The following HEATR5B variants were observed in gnomAD, a reference collection of about 807,000 sequenced individuals.
HEATR5B encodes HEAT repeat containing 5B.
In HEATR5B, 156 loss-of-function variants were observed where a neutral mutation model predicts 224.1. The ratio of observed to expected loss-of-function variants is 0.70; its 90% confidence interval spans 0.61 to 0.80. The LOEUF is 0.80. Ranked by LOEUF, HEATR5B falls within the 30% of genes least tolerant of loss-of-function variation. The probability of loss-of-function intolerance (pLI) is 0.00; values close to 1 mark genes in which losing one functional copy is unlikely to be tolerated. For synonymous variants in HEATR5B, 1,027 were observed against 893.0 expected, an observed-to-expected ratio of 1.15 and a Z score of -2.68; for missense variants, 2,323 against 2,535.5, an observed-to-expected ratio of 0.92 and a Z score of 1.80.
Position 37,083,310 on chromosome 2 carries a change from T to C in HEATR5B, c.105A>G (p.Lys35=). The change falls in exon 2 of 36, where the codon AAA becomes AAG. Residue 35 remains lysine (K), a synonymous_variant. Transcript: ENST00000233099. The stretch of plus-strand genomic sequence containing the variant: ...ATACCTTGTTGGCAGCAACCAAGAC[T>C]TTATCAAGAAATCGCAACCATTCAA... The part of the protein sequence containing the change: ...FIFEWLRFLD[K]VLVAANKTDV... 6.2e-7 allele frequency: 1 copy of C among 1,614,116 alleles called. No homozygotes were observed.
intron 33 of HEATR5B, among the ~76,000 whole-genome samples, chr2:36,994,618 C>T (rs1037617287): frequency 2.6e-5 from 4 of 152,316 alleles, no homozygotes; most frequent in Non-Finnish European, 4.4e-5. Context: ...ATTCTATTAT[C>T]AGACCTTTAA....
chr2:36,988,894 G>C (rs1666131051), intron 34 of HEATR5B, 35 bp from the exon 35 acceptor site: 7 of 1,459,294 alleles, frequency 4.8e-6, no homozygotes, highest in Non-Finnish European at 6.7e-6. Flanking sequence ...ATTAACATGT[G>C]TATAGTTCTT....
intron 35 of HEATR5B, among the ~76,000 whole-genome samples, chr2:36,983,585 G>A (rs772681970): frequency 6.6e-6 from 1 of 151,732 alleles, no homozygotes; most frequent in Non-Finnish European, 1.5e-5. Context: ...AATATTAGCT[G>A]GGTGTGGTGG....
intron 17 of HEATR5B, among the ~76,000 whole-genome samples, chr2:37,050,257 T>C (rs1312567682): frequency 1.3e-5 from 2 of 152,196 alleles, no homozygotes; most frequent in Non-Finnish European, 2.9e-5. Flanking sequence ...TCATAAGTTA[T>C]TTTCTTCAAC....
intron 27 of HEATR5B, among the ~76,000 whole-genome samples, chr2:37,012,731 G>A (rs1309439609): frequency 2.0e-5 from 3 of 152,148 alleles, no homozygotes; most frequent in Admixed American, 2.0e-4. Flanking sequence ...AGGTGCTGAA[G>A]ACACAAAGAA....
intron 2 of HEATR5B, 72 bp downstream of exon 2, chr2:37,083,217 T>A (rs1004901956): frequency 6.5e-7 from 1 of 1,545,234 alleles, no homozygotes; most frequent in Non-Finnish European, 8.9e-7. Flanking sequence ...ACATAACATG[T>A]GTTTTCTTAA....
intron 10 of HEATR5B, among the ~76,000 whole-genome samples, chr2:37,062,975 A>G (rs1196593068): frequency 6.6e-6 from 1 of 152,060 alleles, no homozygotes; most frequent in African/African-American, 2.4e-5. Context: ...TTCATTTTTT[A>G]TTTTTTGTAT....
intron 8 of HEATR5B, among the ~76,000 whole-genome samples, chr2:37,067,044 A>AT (rs199872675): frequency 0.034 from 5,227 of 151,882 alleles, 122 homozygotes; most frequent in Non-Finnish European, 0.052. Flanking sequence ...TAATTTTTGT[A>AT]TTTTTTAATA....
chr2:37,053,695 G>A, intron 16 of HEATR5B, 88 bp from the exon 17 acceptor site: 4 of 661,436 alleles, frequency 6.0e-6, no homozygotes, highest in South Asian at 2.4e-5. Flanking sequence ...CAAGTTAATT[G>A]TTTAGCAAAT....
At chr2:36,997,670 C>G (rs1011472120) in intron 33 of HEATR5B, among the ~76,000 whole-genome samples, 1 of 148,410 alleles carries the variant, frequency 6.7e-6, no homozygotes. Context: ...AGGTTCATGC[C>G]GTTCTCCTGC....
At chr2:36,988,962 G>A in intron 34 of HEATR5B, 103 bp from the exon 35 acceptor site, 2 of 774,088 alleles carry the variant, frequency 2.6e-6, no homozygotes, top group Non-Finnish European at 4.1e-6. Flanking sequence ...GATACTGCAG[G>A]ACAAAAATGG....
At chr2:36,986,250 A>G (rs2541006) in intron 35 of HEATR5B, among the ~76,000 whole-genome samples, 15,064 of 152,278 alleles carry the variant, frequency 0.099, 2,435 homozygotes, top group African/African-American at 0.34. Flanking sequence ...AATAACCTAT[A>G]TTGTTACTAA....
intron 8 of HEATR5B, among the ~76,000 whole-genome samples, chr2:37,067,560 G>T (rs1389413166): frequency 6.6e-6 from 1 of 152,168 alleles, no homozygotes; most frequent in African/African-American, 2.4e-5. Context: ...CTTGAGGTCA[G>T]GAGTTTGAGA....
At chr2:37,037,159 T>TATATATA (rs1448007926) in intron 21 of HEATR5B, among the ~76,000 whole-genome samples, 4 of 139,332 alleles carry the variant, frequency 2.9e-5, no homozygotes, top group Non-Finnish European at 4.7e-5. Flanking sequence ...TATATATATA[T>TATATATA]TTTGGAGATG....
In HEATR5B at chr2:37,084,248, T is replaced by C. The variant is rs1572968463; in HGVS notation, c.-23+21A>G. 5 of 384,316 alleles carry C rather than the reference T, an allele frequency of 1.3e-5. No homozygotes were observed. In the Admixed American group the frequency reaches 2.2e-4, roughly 17 times the overall value. 23.8% of individuals were successfully genotyped at this position (384,316 alleles called of 1,614,324 possible). A position where few individuals can be genotyped will look rare whatever the true frequency, so the allele number is the denominator to read the frequency against. On this transcript the variant is annotated intron_variant, in intron 1 of 35. Transcript: ENST00000233099. ...GGACAGGAGTCCGTGCGTGTCAACA[T>C]GCATGCTTCGGCGACCTCACCTCGT...
chr2:37,047,120 G>C (rs1276579205), intron 18 of HEATR5B, among the ~76,000 whole-genome samples: 4 of 150,620 alleles, frequency 2.7e-5, no homozygotes, highest in Admixed American at 1.3e-4. Context: ...GAGGTGAGAG[G>C]GCTGCTTTAG....
At chr2:37,031,245 C>A (rs564000230) in intron 22 of HEATR5B, among the ~76,000 whole-genome samples, 1 of 152,272 alleles carries the variant, frequency 6.6e-6, no homozygotes, top group Admixed American at 6.5e-5. Flanking sequence ...TGCCTATACA[C>A]TGAGTCCACC....
At chr2:36,994,842 C>T (rs6728062) in intron 33 of HEATR5B, among the ~76,000 whole-genome samples, 439 of 152,042 alleles carry the variant, frequency 2.9e-3, no homozygotes, top group Non-Finnish European at 5.1e-3. Context: ...AGCTCCGCCC[C>T]CGGGTTCACG....
At chr2:37,039,327 G>A (rs531148711) in intron 20 of HEATR5B, among the ~76,000 whole-genome samples, 4 of 152,058 alleles carry the variant, frequency 2.6e-5, no homozygotes, top group Non-Finnish European at 5.9e-5. Flanking sequence ...TTAGCTGGGT[G>A]TAGTGGCAGG....
Sources: gnomAD v4.1 joint callset for allele counts (sites outside exome capture counted in the v4.1 genomes callset) on GRCh38, gnomAD v4.1.1 for gene constraint, MANE v1.5 for transcripts, NCBI Gene and HGNC (gene_info 2026-07-23, HGNC 2026-07-21) for gene names.